Variants in COG6 observed in about 807,000 individuals in gnomAD.
COG6 encodes component of oligomeric golgi complex 6.
Under a neutral mutation model 88.8 loss-of-function variants are expected in COG6, and 74 were observed. The observed-to-expected ratio is 0.83, with a 90% CI of 0.69 to 1.01. The LOEUF is 1.01. Among genes scored for constraint, COG6 ranks in the 50% least tolerant of loss-of-function variants. COG6 has a pLI of 0.00. For missense variants in COG6, 800 were observed against 797.9 expected (o/e 1.00, Z -0.03); for synonymous variants, 286 against 278.7 (o/e 1.03, Z -0.26).
At chr13:39,702,019 T>C (rs566957998) in intron 13 of COG6, among the ~76,000 whole-genome samples, 2 of 152,058 alleles carry the variant, frequency 1.3e-5, no homozygotes, top group South Asian at 4.1e-4. Flanking sequence ...TTTTAGAAAT[T>C]AGAGACAATC....
chr13:39,713,307 C>T (rs1375674274), intron 13 of COG6, among the ~76,000 whole-genome samples: 1 of 152,082 alleles, frequency 6.6e-6, no homozygotes. Context: ...ATAACAAAGC[C>T]CACTTAATTC....
chr13:39,774,099 A>G (rs950275043), intron 18 of COG6, among the ~76,000 whole-genome samples: 1 of 152,152 alleles, frequency 6.6e-6, no homozygotes, highest in South Asian at 2.1e-4. Flanking sequence ...TTAAAGGGCA[A>G]ATGAGAGCAT....
At chr13:39,752,962 T>C (rs941049699), downstream of COG6, among the ~76,000 whole-genome samples, 6 of 152,202 alleles carry the variant, frequency 3.9e-5, no homozygotes, top group African/African-American at 1.4e-4. Context: ...CCTTATGTGG[T>C]TGAACTTTTC....
chr13:39,739,930 A>G (rs990542855), intron 18 of COG6, among the ~76,000 whole-genome samples: 4 of 152,192 alleles, frequency 2.6e-5, no homozygotes, highest in Non-Finnish European at 5.9e-5. Context: ...TTCAAAATTA[A>G]CATACTAAAA....
rs1880701608 is a variant in COG6, at chr13:39,752,604, T to C, written c.*1511T>C. ...AATTTATTGTGCTTTTTACCTGGTT[T>C]TTTCAAATAAAATATTAAAATATTT... On this transcript the variant is annotated 3_prime_UTR_variant, in exon 19 of 19. Transcript: ENST00000455146. The C allele has an allele frequency of 7.9e-7, 1 of 1,267,312 alleles. No individual in the cohort carries two copies. The highest frequency in any genetic ancestry group is 2.4e-5 in the Admixed American group (1 of 41,940). The allele number at this position is 1,267,312 out of a possible 1,614,324, so 78.5% of individuals were successfully genotyped here. A position where few individuals can be genotyped will look rare whatever the true frequency, so the allele number is the denominator to read the frequency against.
chr13:39,737,879 C>T (rs1054581747), intron 18 of COG6, among the ~76,000 whole-genome samples: 1 of 152,124 alleles, frequency 6.6e-6, no homozygotes, highest in African/African-American at 2.4e-5. Flanking sequence ...TCTAAATGCT[C>T]CCTCTGTGGA....
At chr13:39,783,977 C>A (rs1279692229) in intron 18 of COG6, among the ~76,000 whole-genome samples, 1 of 152,064 alleles carries the variant, frequency 6.6e-6, no homozygotes, top group Non-Finnish European at 1.5e-5. Flanking sequence ...GGAAGTGGCC[C>A]CAAACAGCAT....
chr13:39,714,389 T>A (rs2138065456), intron 13 of COG6, among the ~76,000 whole-genome samples: 1 of 149,568 alleles, frequency 6.7e-6, no homozygotes, highest in African/African-American at 2.5e-5. Context: ...GAAAAAGGAC[T>A]GATATCCAGA....
intron 3 of COG6, among the ~76,000 whole-genome samples, chr13:39,662,666 C>G (rs1874983423): frequency 6.6e-6 from 1 of 152,078 alleles, no homozygotes; most frequent in Admixed American, 6.5e-5. Flanking sequence ...TGCCTCATAG[C>G]TTTCTGATTG....
chr13:39,689,529 A>G (rs1876858533), intron 10 of COG6, among the ~76,000 whole-genome samples: 1 of 152,126 alleles, frequency 6.6e-6, no homozygotes, highest in African/African-American at 2.4e-5. Flanking sequence ...TCAAAGTCAG[A>G]TGAATTAACA....
At chr13:39,743,270 A>G (rs1014320316) in intron 18 of COG6, among the ~76,000 whole-genome samples, 3 of 152,224 alleles carry the variant, frequency 2.0e-5, no homozygotes, top group African/African-American at 7.2e-5. Flanking sequence ...GAACTGAAGG[A>G]CATAGAGACA....
At chr13:39,770,041 T>C (rs1220188370) in intron 18 of COG6, among the ~76,000 whole-genome samples, 1 of 152,222 alleles carries the variant, frequency 6.6e-6, no homozygotes, top group Non-Finnish European at 1.5e-5. Context: ...GTTGAACTCT[T>C]TACCTTATAG....
At chr13:39,774,732 G>A (rs1328629963) in intron 18 of COG6, among the ~76,000 whole-genome samples, 1 of 151,916 alleles carries the variant, frequency 6.6e-6, no homozygotes, top group African/African-American at 2.4e-5. Context: ...ATGCCACCAT[G>A]CCCAGGTAAT....
At chr13:39,764,901 A>G (rs1178643154) in intron 18 of COG6, among the ~76,000 whole-genome samples, 2 of 152,156 alleles carry the variant, frequency 1.3e-5, no homozygotes, top group Non-Finnish European at 2.9e-5. Context: ...AATCATCTAT[A>G]GCCTTTCTGA....
At chr13:39,673,064 T>G (rs1875747992) in intron 4 of COG6, among the ~76,000 whole-genome samples, 1 of 152,084 alleles carries the variant, frequency 6.6e-6, no homozygotes, top group African/African-American at 2.4e-5. Flanking sequence ...CCTTTACCCA[T>G]TTTTTAATTT....
chr13:39,692,812 A>C (rs1877057368), intron 11 of COG6, among the ~76,000 whole-genome samples: 1 of 151,926 alleles, frequency 6.6e-6, no homozygotes. Context: ...CTCGTAATGC[A>C]GTTAGGATTT....
chr13:39,711,191 A>G (rs926561066), intron 13 of COG6, among the ~76,000 whole-genome samples: 2 of 152,180 alleles, frequency 1.3e-5, no homozygotes, highest in African/African-American at 2.4e-5. Flanking sequence ...CAAAATTTCA[A>G]TGTAGCAAAA....
chr13:39,715,006 G>C (rs1878447692), intron 13 of COG6, among the ~76,000 whole-genome samples: 2 of 151,962 alleles, frequency 1.3e-5, no homozygotes, highest in Non-Finnish European at 1.5e-5. Flanking sequence ...CTAAGCTATG[G>C]GTACACAAAG....
chr13:39,658,570 C>T (rs111678919), intron 1 of COG6, among the ~76,000 whole-genome samples: 5 of 152,240 alleles, frequency 3.3e-5, no homozygotes, highest in African/African-American at 1.2e-4. Context: ...ATTCATTTTC[C>T]TTACAAAGTT....
Sources: gnomAD v4.1 joint callset for allele counts (sites outside exome capture counted in the v4.1 genomes callset) on GRCh38, gnomAD v4.1.1 for gene constraint, MANE v1.5 for transcripts, NCBI Gene and HGNC (gene_info 2026-07-23, HGNC 2026-07-21) for gene names.